Variants in NEK7 observed in about 807,000 individuals in gnomAD.
NEK7 encodes NIMA related kinase 7.
A neutral mutation model predicts 44.6 loss-of-function variants in NEK7; 18 were observed. That is an observed-to-expected ratio of 0.40 (90% CI 0.28 to 0.60). The LOEUF (loss-of-function observed/expected upper bound fraction) is 0.60. Among genes scored for constraint, NEK7 ranks in the 20% least tolerant of loss-of-function variants. The pLI, the probability that NEK7 is intolerant of heterozygous loss-of-function variation, is 0.38. For missense variants in NEK7, 256 were observed against 366.5 expected (o/e 0.70, Z 2.46); for synonymous variants, 130 against 121.1 (o/e 1.07, Z -0.48).
intron 1 of NEK7, among the ~76,000 whole-genome samples, chr1:198,203,429 C>G (rs1665496943): frequency 6.6e-6 from 1 of 152,324 alleles, no homozygotes; most frequent in Non-Finnish European, 1.5e-5. Flanking sequence ...CAGGAATAGA[C>G]TTTATCTTCA....
rs1187857294 is a variant in NEK7 at position 198,216,860 on chromosome 1, C to CTAT, written c.-28-15693_-28-15692insTAT. ...AGAGGAAATTGATAATTATCAATTT[C>CTAT]CTCGAAAACGACAACCCTTCTAGAT... On this transcript the variant is annotated intron_variant, in intron 1 of 9. Coordinates refer to ENST00000367385, the MANE Select transcript of NEK7 (RefSeq NM_133494.3). Among the ~76,000 whole-genome samples the CTAT allele has an allele frequency of 2.3e-4, 35 of 151,840 alleles. No individual in the cohort carries two copies. In the East Asian group the frequency reaches 6.0e-3, roughly 26 times the overall value.
chr1:198,294,254 A>G (rs1654646535), intron 8 of NEK7, among the ~76,000 whole-genome samples: 1 of 152,004 alleles, frequency 6.6e-6, no homozygotes, highest in South Asian at 2.1e-4. Flanking sequence ...TGAGTCAGTA[A>G]TGTAACAAAA....
At chr1:198,203,227 T>C (rs1665488226) in intron 1 of NEK7, among the ~76,000 whole-genome samples, 1 of 152,224 alleles carries the variant, frequency 6.6e-6, no homozygotes, top group Admixed American at 6.5e-5. Context: ...AATATTGGCT[T>C]AGGGCTGCAT....
At chr1:198,192,836 A>G (rs1665118485) in intron 1 of NEK7, among the ~76,000 whole-genome samples, 2 of 152,068 alleles carry the variant, frequency 1.3e-5, no homozygotes, top group Non-Finnish European at 2.9e-5. Flanking sequence ...ATTTATAGCA[A>G]TAAGTGCCCA....
At chr1:198,248,649 G>T (rs949022334) in intron 2 of NEK7, among the ~76,000 whole-genome samples, 13 of 152,164 alleles carry the variant, frequency 8.5e-5, no homozygotes, top group Non-Finnish European at 1.3e-4. Flanking sequence ...CTTTGCAGAA[G>T]TTAAATAACT....
chr1:198,182,936 T>A (rs1252282975), intron 1 of NEK7, among the ~76,000 whole-genome samples: 1 of 152,172 alleles, frequency 6.6e-6, no homozygotes, highest in African/African-American at 2.4e-5. Flanking sequence ...AGTATAGGCC[T>A]TCTACAGGAA....
At chr1:198,248,147 G>A (rs1182896988) in intron 2 of NEK7, among the ~76,000 whole-genome samples, 4 of 152,138 alleles carry the variant, frequency 2.6e-5, no homozygotes, top group African/African-American at 9.7e-5. Context: ...AAAGGCTCAG[G>A]CATGCCTAGC....
At chr1:198,217,754 G>A (rs971251936) in intron 1 of NEK7, among the ~76,000 whole-genome samples, 2 of 149,844 alleles carry the variant, frequency 1.3e-5, no homozygotes, top group African/African-American at 2.5e-5. Context: ...CAAAATCAAT[G>A]TACAGAAATC....
chr1:198,272,097 T>C (rs962678417), intron 5 of NEK7, among the ~76,000 whole-genome samples: 3 of 151,312 alleles, frequency 2.0e-5, no homozygotes, highest in Non-Finnish European at 3.0e-5. Context: ...ATCACTTGGG[T>C]TTTCCTTGAT....
intron 1 of NEK7, among the ~76,000 whole-genome samples, chr1:198,228,495 C>A (rs1225227541): frequency 3.3e-5 from 5 of 149,730 alleles, no homozygotes; most frequent in African/African-American, 7.5e-5. Context: ...TCTTCCTACC[C>A]ATGAGCATGG....
intron 2 of NEK7, among the ~76,000 whole-genome samples, chr1:198,242,809 A>AT (rs199791068): frequency 1.9e-3 from 271 of 140,846 alleles, no homozygotes; most frequent in East Asian, 8.1e-3. Flanking sequence ...TATATTTTTA[A>AT]TTTTTTTTTT....
chr1:198,234,307 ATTT>A (rs11325777), intron 2 of NEK7, among the ~76,000 whole-genome samples: 2 of 149,822 alleles, frequency 1.3e-5, no homozygotes, highest in South Asian at 2.1e-4. Context: ...TTCAAGAAGA[ATTT>A]TTTTTTTTAA....
chr1:198,203,531 C>A (rs1211568893), intron 1 of NEK7, among the ~76,000 whole-genome samples: 1 of 152,198 alleles, frequency 6.6e-6, no homozygotes, highest in East Asian at 1.9e-4. Context: ...AGATTTCTGT[C>A]TGTGCGGACA....
At chr1:198,217,666 A>G (rs1021438122) in intron 1 of NEK7, among the ~76,000 whole-genome samples, 6 of 152,046 alleles carry the variant, frequency 3.9e-5, no homozygotes, top group South Asian at 4.1e-4. Flanking sequence ...TGCTGATTAT[A>G]TGATCTTATA....
At chr1:198,298,475 G>A (rs1019647000) in intron 9 of NEK7, among the ~76,000 whole-genome samples, 4 of 152,072 alleles carry the variant, frequency 2.6e-5, no homozygotes, top group Non-Finnish European at 5.9e-5. Flanking sequence ...AGAATAAACT[G>A]TTACAGAGCA....
chr1:198,299,156 T>A (rs912138399), intron 9 of NEK7, among the ~76,000 whole-genome samples: 1 of 152,218 alleles, frequency 6.6e-6, no homozygotes, highest in African/African-American at 2.4e-5. Flanking sequence ...GTGTTGTCAT[T>A]CCCTGATGAA....
At position 198,265,013 on chromosome 1, in the gene NEK7, A is replaced by G. The variant is rs531754152; in HGVS notation, c.372+778A>G. On this transcript the variant is annotated intron_variant, in intron 5 of 9. Coordinates refer to ENST00000367385, the MANE Select transcript of NEK7 (RefSeq NM_133494.3). ...TGCTATTATTATTGTTATTGTTATT[A>G]TTTCTCTGTCACATAAAAGTCTGGG... Among the ~76,000 whole-genome samples, 15 of 152,176 alleles carry G rather than the reference A, an allele frequency of 9.9e-5. No homozygotes were observed. In the East Asian group the frequency reaches 2.7e-3, roughly 28 times the overall value.
intron 2 of NEK7, among the ~76,000 whole-genome samples, chr1:198,238,732 G>T (rs902889486): frequency 6.6e-6 from 1 of 152,168 alleles, no homozygotes; most frequent in African/African-American, 2.4e-5. Flanking sequence ...GTGAAGCTGG[G>T]ATTTGACCCA....
chr1:198,314,808 C>A lies in NEK7; in HGVS notation c.799-4604C>A, dbSNP rs148675519. Among the ~76,000 whole-genome samples, 4 of 152,152 alleles carry A rather than the reference C, an allele frequency of 2.6e-5. No homozygotes were observed. The East Asian group carries it at 7.7e-4, about 29-fold the overall frequency. On this transcript the variant is annotated intron_variant, in intron 9 of 9. Transcript: ENST00000367385. ...TGCCCGTTCTCAGATCTCCAGCTGCCTGCTGGGAGAACCACTGCTCTCTTC... is the reference window on the plus strand; with the variant it reads ...TGCCCGTTCTCAGATCTCCAGCTGCATGCTGGGAGAACCACTGCTCTCTTC...
Sources: allele counts gnomAD v4.1 joint callset (sites outside exome capture counted in the v4.1 genomes callset), GRCh38; gene constraint gnomAD v4.1.1; transcripts MANE v1.5; gene names NCBI Gene and HGNC (gene_info 2026-07-23, HGNC 2026-07-21).